The following SLC5A11 variants were observed in gnomAD, a reference collection of about 807,000 sequenced individuals.
SLC5A11 encodes sodium/myo-inositol cotransporter 2.
SLC5A11 carries 48 observed loss-of-function variants against 69.8 expected under a neutral mutation model. That is an observed-to-expected ratio of 0.69 (90% CI 0.55 to 0.87). The LOEUF is 0.87. Among genes scored for constraint, SLC5A11 ranks in the 40% least tolerant of loss-of-function variants. SLC5A11 has a pLI of 0.00. For missense variants in SLC5A11, 784 were observed against 866.1 expected (o/e 0.91, Z 1.19); for synonymous variants, 319 against 342.4 (o/e 0.93, Z 0.75).
At chr16:24,894,645 CA>C (rs1478813643) in intron 9 of SLC5A11, among the ~76,000 whole-genome samples, 2 of 151,782 alleles carry the variant, frequency 1.3e-5, no homozygotes, top group African/African-American at 4.8e-5. Context: ...ACTAAAAATA[CA>C]AAAAATTAAT....
chr16:24,898,530 T>C (rs1248356362), intron 10 of SLC5A11, among the ~76,000 whole-genome samples: 1 of 151,764 alleles, frequency 6.6e-6, no homozygotes, highest in Non-Finnish European at 1.5e-5. Context: ...TTTTGCATTT[T>C]TTTTTTGAGA....
At chr16:24,900,028 A>T (rs139981888) in intron 10 of SLC5A11, among the ~76,000 whole-genome samples, 1,810 of 152,106 alleles carry the variant, frequency 0.012, 51 homozygotes, top group African/African-American at 0.042. Flanking sequence ...AACAAATCTC[A>T]TGGGATATCG....
chr16:24,884,952 A>G (rs888366801), intron 8 of SLC5A11, among the ~76,000 whole-genome samples: 9 of 152,036 alleles, frequency 5.9e-5, no homozygotes, highest in African/African-American at 2.2e-4. Flanking sequence ...CATGTTGCCC[A>G]GGCTGGTTTC....
intron 7 of SLC5A11, among the ~76,000 whole-genome samples, chr16:24,882,423 C>T (rs550727888): frequency 1.3e-5 from 2 of 152,260 alleles, no homozygotes; most frequent in East Asian, 3.9e-4. Context: ...AGCCCTATTC[C>T]TGCTGGGAAG....
At chr16:24,862,236 A>G (rs916906748) in intron 2 of SLC5A11, among the ~76,000 whole-genome samples, 11 of 152,368 alleles carry the variant, frequency 7.2e-5, no homozygotes, top group Admixed American at 6.5e-4. Flanking sequence ...GAGGTAATGC[A>G]TATAAAGTGC....
intron 6 of SLC5A11, 177 bp from the exon 8 acceptor site, chr16:24,877,081 G>A: frequency 6.8e-7 from 1 of 1,461,490 alleles, no homozygotes; most frequent in Non-Finnish European, 9.0e-7. Flanking sequence ...GGGCCCACAG[G>A]GCTCCAGCTG....
chr16:24,871,995 T>G (rs2667745), intron 4 of SLC5A11, among the ~76,000 whole-genome samples, 165 bp from the exon 6 acceptor site: 27,933 of 152,046 alleles, frequency 0.18, 2,703 homozygotes, highest in Non-Finnish European at 0.21. Flanking sequence ...ATTCCCCATG[T>G]TAAAAAAGGA....
chr16:24,884,117 C>G (rs373030092), exon 8 of SLC5A11: 1 of 1,614,104 alleles, frequency 6.2e-7, no homozygotes. Flanking sequence ...GGAGCGCTCA[C>G]CTTGATGGGC....
At chr16:24,895,822 G>A (rs531036305) in intron 9 of SLC5A11, among the ~76,000 whole-genome samples, 8 of 152,218 alleles carry the variant, frequency 5.3e-5, no homozygotes, top group African/African-American at 1.7e-4. Flanking sequence ...TGATGCCTTC[G>A]GGCAACTGTC....
At chr16:24,868,456 G>T (rs1483406593) in intron 3 of SLC5A11, among the ~76,000 whole-genome samples, 1 of 150,490 alleles carries the variant, frequency 6.6e-6, no homozygotes, top group South Asian at 2.1e-4. Context: ...AAAATTAGCC[G>T]GGCGTGGTGG....
At chr16:24,904,990 C>T (rs536323408) in intron 10 of SLC5A11, among the ~76,000 whole-genome samples, 3 of 151,852 alleles carry the variant, frequency 2.0e-5, no homozygotes, top group African/African-American at 7.3e-5. Context: ...CTCCTTGTGT[C>T]CATGTGTTCT....
rs1555523057 is a variant in SLC5A11, at chr16:24,870,442, A to AACC, written c.312+439_312+440insCAC. ...AAACAAAACAAAAAAAACAAAAAAA[A>AACC]ACACACACACACACACACACACAAA... On this transcript the variant is annotated intron_variant, in intron 4 of 15. Coordinates refer to ENST00000347898, the Ensembl canonical transcript of SLC5A11. Among the ~76,000 whole-genome samples, 5 of 140,622 alleles carry AACC rather than the reference A, an allele frequency of 3.6e-5. No homozygotes were observed. The South Asian group carries it at 1.1e-3, about 32-fold the overall frequency. 92.3% of individuals were successfully genotyped at this position (140,622 alleles called of 152,430 possible). A position where few individuals can be genotyped will look rare whatever the true frequency, so the allele number is the denominator to read the frequency against.
chr16:24,909,497 G>T (rs1347370101), intron 14 of SLC5A11, among the ~76,000 whole-genome samples: 1 of 151,878 alleles, frequency 6.6e-6, no homozygotes, highest in African/African-American at 2.4e-5. Context: ...AAAATTAGCA[G>T]GGCGTGATGG....
rs748111056 is a variant in SLC5A11 at position 24,906,687 on chromosome 16, G to A, written c.1037G>A (p.Cys346Tyr). 1.9e-6 allele frequency: 3 copies of A among 1,613,078 alleles called. No individual in the cohort carries two copies. In the Admixed American group the frequency reaches 5.0e-5, roughly 27 times the overall value. ...GTGGCCTGTGCAGATCCAGAGATCT[G>A]CCAGAAGATCTGCAGCAACCCCTCA... The change falls in exon 11 of 16, where the codon TGC becomes TAC. Residue 346 changes from cysteine (C) to tyrosine (Y), a missense_variant. Cys to Tyr is a radical substitution (Grantham distance 194, BLOSUM62 -2). Around this residue, in one of 3 missense-constraint regions of SLC5A11, gnomAD observed 550 missense variants for 606.4 expected, o/e 0.91. Coordinates refer to ENST00000347898, the Ensembl canonical transcript of SLC5A11.
chr16:24,852,341 C>T (rs536943707), intron 1 of SLC5A11, among the ~76,000 whole-genome samples: 28 of 152,174 alleles, frequency 1.8e-4, no homozygotes, highest in African/African-American at 6.7e-4. Context: ...TCTCCTGGGG[C>T]GTGGAAAATT....
Position 24,875,613 on chromosome 16 carries a change from G to A in SLC5A11, c.373-14G>A, listed in dbSNP as rs1181551181. The A allele has an allele frequency of 6.2e-7, 1 of 1,610,436 alleles. No homozygotes were observed. Among genetic ancestry groups the A allele is most frequent in the Non-Finnish European group, 8.5e-7 (1 of 1,178,288 alleles). ...GAAGTCCGCTGGTGGTGAAATCTCAGCTCTGGCCCTCAGGTCACCACGATG... is the reference window on the plus strand; with the variant it reads ...GAAGTCCGCTGGTGGTGAAATCTCAACTCTGGCCCTCAGGTCACCACGATG... On this transcript the variant is annotated splice_polypyrimidine_tract_variant and intron_variant, in intron 5 of 15. Transcript: ENST00000347898.
chr16:24,911,037 C>T lies in SLC5A11; in HGVS notation c.1823-291C>T, dbSNP rs144276755. On this transcript the variant is annotated intron_variant, in intron 15 of 15. Transcript: ENST00000347898. ...TATAAAAATTAGCCGGGCATGGTAG[C>T]GCATGCCTATAGTCCCAGCTACTTG... is the stretch of plus-strand genomic sequence containing the variant. 5.7e-4 allele frequency among the ~76,000 whole-genome samples: 86 copies of T among 151,880 alleles called. 1 individual carries two copies. The South Asian group carries it at 8.5e-3, about 15-fold the overall frequency.
At chr16:24,907,236 C>A in intron 12 of SLC5A11, 61 bp downstream of exon 13, 1 of 1,588,300 alleles carries the variant, frequency 6.3e-7, no homozygotes, top group Non-Finnish European at 8.6e-7. Flanking sequence ...CACCCAGAGG[C>A]AAAGTCCAGG....
intron 3 of SLC5A11, among the ~76,000 whole-genome samples, chr16:24,865,993 G>T (rs1445346608): frequency 1.3e-5 from 2 of 150,828 alleles, no homozygotes; most frequent in African/African-American, 4.9e-5. Flanking sequence ...TTTATAAGAT[G>T]TTAATTATAA....
Sources: gnomAD v4.1 joint callset for allele counts (sites outside exome capture counted in the v4.1 genomes callset) on GRCh38, gnomAD v4.1.1 for gene constraint, gnomAD v4.1.1 regional missense constraint, MANE v1.5 for transcripts, NCBI Gene and HGNC (gene_info 2026-07-23, HGNC 2026-07-21) for gene names.